VAV3: variants seen among roughly 807,000 people sequenced by gnomAD.
VAV3 encodes guanine nucleotide exchange factor VAV3.
In VAV3, 94 loss-of-function variants were observed where a neutral mutation model predicts 131.2. The observed-to-expected ratio is 0.72, with a 90% CI of 0.61 to 0.85. The LOEUF (loss-of-function observed/expected upper bound fraction) is 0.85. VAV3 is among the 40% of genes least tolerant of loss of function. The pLI is 0.00. For missense variants in VAV3, 939 were observed against 1,002.7 expected (o/e 0.94, Z 0.86); for synonymous variants, 349 against 342.0 (o/e 1.02, Z -0.22).
At chr1:107,701,047 A>G (rs1008065096) in intron 17 of VAV3, among the ~76,000 whole-genome samples, 4 of 140,274 alleles carry the variant, frequency 2.9e-5, no homozygotes, top group African/African-American at 1.0e-4. Context: ...TTCTCTAATG[A>G]TCAGTCATGT....
At chr1:107,801,510 G>A (rs1666826812) in intron 2 of VAV3, among the ~76,000 whole-genome samples, 1 of 152,112 alleles carries the variant, frequency 6.6e-6, no homozygotes, top group African/African-American at 2.4e-5. Flanking sequence ...ATAGGTAGAT[G>A]AGATGGAAAA....
rs76615146 is a variant in VAV3, at chr1:107,773,681, G to A, written c.447-838C>T. ...GGAGCTTTCTACTTTGGGACACCAGGGAGATGGTGATCCATATTGGCAGTA... is the reference window on the plus strand; with the variant it reads ...GGAGCTTTCTACTTTGGGACACCAGAGAGATGGTGATCCATATTGGCAGTA... On this transcript the variant is annotated intron_variant, in intron 4 of 26. Transcript: ENST00000370056. 1.4e-3 allele frequency among the ~76,000 whole-genome samples: 206 copies of A among 152,302 alleles called. 4 individuals carry two copies. In the East Asian group the frequency reaches 0.036, roughly 26 times the overall value.
chr1:107,797,434 C>G (rs1327073613), intron 2 of VAV3, among the ~76,000 whole-genome samples: 1 of 152,038 alleles, frequency 6.6e-6, no homozygotes, highest in Non-Finnish European at 1.5e-5. Flanking sequence ...AGGGAGTTAT[C>G]AATACCCTGG....
intron 15 of VAV3, among the ~76,000 whole-genome samples, chr1:107,714,531 GTATT>G (rs763593264): frequency 2.4e-4 from 37 of 152,014 alleles, no homozygotes; most frequent in Middle Eastern, 6.8e-3. Flanking sequence ...TAAAATCCAA[GTATT>G]TATTTTTAAA....
At chr1:107,669,213 CT>C in intron 19 of VAV3, 1 of 1,165,920 alleles carries the variant, frequency 8.6e-7, no homozygotes, top group South Asian at 1.7e-5. Context: ...TTCCAAAGTA[CT>C]TTGAATTAAA....
intron 15 of VAV3, among the ~76,000 whole-genome samples, chr1:107,728,826 A>G (rs779741361): frequency 5.3e-5 from 8 of 152,172 alleles, no homozygotes; most frequent in Non-Finnish European, 7.3e-5. Context: ...GCGCAACTAT[A>G]GAATTATAAT....
chr1:107,666,149 A>G (rs1657391759), intron 19 of VAV3, among the ~76,000 whole-genome samples: 1 of 152,130 alleles, frequency 6.6e-6, no homozygotes, highest in Non-Finnish European at 1.5e-5. Context: ...TGTAGAAAGA[A>G]TATTAGGATA....
At chr1:107,868,956 CTA>C (rs2101004339) in intron 2 of VAV3, among the ~76,000 whole-genome samples, 1 of 152,290 alleles carries the variant, frequency 6.6e-6, no homozygotes, top group South Asian at 2.1e-4. Flanking sequence ...CAGGGTGTCA[CTA>C]GGTTCATCTT....
At chr1:107,865,748 C>A (rs1372918581) in intron 2 of VAV3, among the ~76,000 whole-genome samples, 1 of 152,156 alleles carries the variant, frequency 6.6e-6, no homozygotes, top group East Asian at 1.9e-4. Flanking sequence ...TTCTCCCAGC[C>A]ACTAGGACTG....
chr1:107,771,313 C>T (rs902633158), intron 5 of VAV3, among the ~76,000 whole-genome samples: 10 of 149,912 alleles, frequency 6.7e-5, no homozygotes, highest in African/African-American at 2.2e-4. Flanking sequence ...ACAGCAGTGG[C>T]GCGATCTCGG....
At position 107,845,520 on chromosome 1, in the gene VAV3, T is replaced by C. The variant is rs772613143; in HGVS notation, c.321+29381A>G. 2.9e-4 allele frequency among the ~76,000 whole-genome samples: 44 copies of C among 152,050 alleles called. 1 individual carries two copies. The highest frequency in any genetic ancestry group is 1.8e-3 in the Admixed American group (27 of 15,260). ...ACTCCTGCGAACTAAAGAAGTATGTTATAACCAAATGCAAGGAAGCTAAGA... is the reference window on the plus strand; with the variant it reads ...ACTCCTGCGAACTAAAGAAGTATGTCATAACCAAATGCAAGGAAGCTAAGA... On this transcript the variant is annotated intron_variant, in intron 2 of 26. Transcript: ENST00000370056.
intron 19 of VAV3, chr1:107,672,149 A>G (rs1657853585): frequency 6.6e-6 from 1 of 151,878 alleles, no homozygotes; most frequent in Non-Finnish European, 1.5e-5. Context: ...CACACCTGCA[A>G]TCTCAGCTAC....
In VAV3 at chr1:107,572,301, T is replaced by C. The variant is rs1447921069; in HGVS notation, c.*1030A>G. The C allele has an allele frequency of 1.3e-5, 2 of 152,342 alleles. No homozygotes were observed. Among genetic ancestry groups the C allele is most frequent in the African/African-American group, 2.4e-5 (1 of 41,576 alleles). 9.4% of individuals were successfully genotyped at this position (152,342 alleles called of 1,614,324 possible). ...CCCAGAAATGAATAAAGGACCCAGT[T>C]GTGCTTTCCTTCCAAAATCCTCAAC... On this transcript the variant is annotated 3_prime_UTR_variant, in exon 27 of 27. Transcript: ENST00000370056.
intron 1 of VAV3, among the ~76,000 whole-genome samples, chr1:107,915,288 A>T (rs892678228): frequency 6.6e-6 from 1 of 152,264 alleles, no homozygotes; most frequent in Non-Finnish European, 1.5e-5. Flanking sequence ...CAAAAGCCTC[A>T]ATCAGTAGTG....
At chr1:107,652,291 T>A (rs910382985) in intron 19 of VAV3, among the ~76,000 whole-genome samples, 1 of 152,208 alleles carries the variant, frequency 6.6e-6, no homozygotes, top group East Asian at 1.9e-4. Context: ...GAAGATACCC[T>A]ACATGGTTTA....
At position 107,964,682 on chromosome 1, in the gene VAV3, C is replaced by T. The variant is rs761968810; in HGVS notation, c.188G>A (p.Arg63Lys). The T allele has an allele frequency of 6.2e-7, 1 of 1,613,476 alleles. No homozygotes were observed. Among genetic ancestry groups the T allele is most frequent in the African/African-American group, 1.3e-5 (1 of 74,926 alleles). The change falls in exon 1 of 27, where the codon AGG becomes AAG. Residue 63 changes from arginine to lysine, a missense_variant. Transcript: ENST00000370056. ...HSINLKEINL[R>K]PQMSQFLCLK... ...CCTCCTCACCTGGGACATCTGCGGC[C>T]TCAGGTTGATCTCCTTCAGGTTGAT...
intron 12 of VAV3, among the ~76,000 whole-genome samples, chr1:107,753,531 T>TATAC (rs1663898447): frequency 2.7e-5 from 1 of 37,514 alleles, no homozygotes; most frequent in African/African-American, 9.2e-5. Flanking sequence ...TATATACGTA[T>TATAC]ATATATATAT....
At chr1:107,630,685 G>T (rs1654398552) in intron 20 of VAV3, among the ~76,000 whole-genome samples, 1 of 152,132 alleles carries the variant, frequency 6.6e-6, no homozygotes, top group African/African-American at 2.4e-5. Flanking sequence ...CATTCCCAGT[G>T]GGGGAGTCAC....
chr1:107,857,239 T>C (rs1669518932), intron 2 of VAV3, among the ~76,000 whole-genome samples: 2 of 152,156 alleles, frequency 1.3e-5, no homozygotes, highest in African/African-American at 4.8e-5. Context: ...AAGGCTACAC[T>C]GGCTTAGCCT....
Sources: allele counts gnomAD v4.1 joint callset (sites outside exome capture counted in the v4.1 genomes callset), GRCh38; gene constraint gnomAD v4.1.1; transcripts MANE v1.5; gene names NCBI Gene and HGNC (gene_info 2026-07-23, HGNC 2026-07-21).